The following EGFR variants were observed in gnomAD, a reference collection of about 807,000 sequenced individuals.
EGFR encodes the protein epidermal growth factor receptor.
A neutral mutation model predicts 143.0 loss-of-function variants in EGFR; 58 were observed. The observed-to-expected ratio is 0.41, with a 90% CI of 0.33 to 0.50. EGFR has a LOEUF of 0.50. EGFR is among the 20% of genes least tolerant of loss of function. EGFR has a pLI of 0.39. For missense variants in EGFR, 1,307 were observed against 1,579.0 expected (o/e 0.83, Z 2.92); for synonymous variants, 613 against 594.4 (o/e 1.03, Z -0.45).
At chr7:55,025,524 A>C (rs140866045) in intron 1 of EGFR, among the ~76,000 whole-genome samples, 62 of 152,288 alleles carry the variant, frequency 4.1e-4, no homozygotes, top group African/African-American at 1.5e-3. Context: ...GTCCAATATC[A>C]ATATTCAGCT....
chr7:55,205,284 G>T lies in EGFR; in HGVS notation c.3300G>T (p.Arg1100Ser), dbSNP rs2128975115. Residue 1100 changes from arginine (R) to serine (S), a missense_variant, in exon 28 of 28, where the codon AGG becomes AGT. Around this residue, in one of 7 missense-constraint regions of EGFR, gnomAD observed 313 missense variants for 312.3 expected, o/e 1.00. Coordinates refer to ENST00000275493, the MANE Select transcript of EGFR (RefSeq NM_005228.5). The stretch of plus-strand genomic sequence containing the variant: ...ACATAAACCAGTCCGTTCCCAAAAG[G>T]CCCGCTGGCTCTGTGCAGAATCCTG... The part of the protein sequence containing the change: ...PEYINQSVPK[R>S]PAGSVQNPVY... 1.2e-6 allele frequency: 2 copies of T among 1,612,924 alleles called. No individual in the cohort carries two copies. The highest frequency in any genetic ancestry group is 1.7e-6 in the Non-Finnish European group (2 of 1,179,512).
chr7:55,165,096 C>T (rs569575554), intron 14 of EGFR, among the ~76,000 whole-genome samples, 184 bp from the exon 15 acceptor site: 2 of 152,310 alleles, frequency 1.3e-5, no homozygotes, highest in East Asian at 3.9e-4. Context: ...AACTTCTAAG[C>T]AACTAACAGT....
chr7:55,025,704 T>C (rs956712022), intron 1 of EGFR, among the ~76,000 whole-genome samples: 4 of 152,212 alleles, frequency 2.6e-5, no homozygotes, highest in African/African-American at 9.6e-5. Context: ...CACAGTTTCC[T>C]GGCTCCACCT....
chr7:55,108,434 A>G (rs946531629), intron 1 of EGFR, among the ~76,000 whole-genome samples: 2 of 152,210 alleles, frequency 1.3e-5, no homozygotes, highest in Non-Finnish European at 2.9e-5. Context: ...TGCCATGAGC[A>G]TCCTTGTTCA....
chr7:55,186,136 C>T (rs1430183985), intron 20 of EGFR, among the ~76,000 whole-genome samples: 4 of 152,202 alleles, frequency 2.6e-5, no homozygotes, highest in African/African-American at 4.8e-5. Context: ...ACGAAAACCA[C>T]GCTGACAGAT....
Position 55,192,593 on chromosome 7 carries a change from G to A in EGFR, c.2626-173G>A, listed in dbSNP as rs17290580. Among the ~76,000 whole-genome samples, 2,851 of 152,324 alleles carry A rather than the reference G, an allele frequency of 0.019. 70 individuals carry two copies. Among genetic ancestry groups the A allele is most frequent in the African/African-American group, 0.064 (2,649 of 41,574 alleles). On this transcript the variant is annotated intron_variant, in intron 21 of 27. Transcript: ENST00000275493. ...ACCTACCAGAGCAGCCCTGAACTCC[G>A]TCAGACTGAAATCCCCTGTTGCCGG... is the stretch of plus-strand genomic sequence containing the variant.
At chr7:55,086,084 C>T (rs567887943) in intron 1 of EGFR, among the ~76,000 whole-genome samples, 1 of 152,246 alleles carries the variant, frequency 6.6e-6, no homozygotes, top group African/African-American at 2.4e-5. Flanking sequence ...TGTGCCAGGT[C>T]CCGTGCCGTG....
chr7:55,210,702 G>C lies in EGFR; in HGVS notation c.*5085G>C, dbSNP rs1328380970. The C allele has an allele frequency of 6.6e-6, 1 of 152,232 alleles. No homozygotes were observed. The highest frequency in any genetic ancestry group is 1.5e-5 in the Non-Finnish European group (1 of 68,048). 9.4% of individuals were successfully genotyped at this position (152,232 alleles called of 1,614,324 possible). A position where few individuals can be genotyped will look rare whatever the true frequency, so the allele number is the denominator to read the frequency against. On this transcript the variant is annotated 3_prime_UTR_variant, in exon 28 of 28. Transcript: ENST00000275493. ...AAGGTTCTCCAAGCACTAGAAGGGA[G>C]AGTGTCTAAACAATGGTTGAAAAGC...
chr7:55,040,883 C>T (rs927160072), intron 1 of EGFR, among the ~76,000 whole-genome samples: 2 of 152,178 alleles, frequency 1.3e-5, no homozygotes, highest in African/African-American at 2.4e-5. Context: ...ACTGCATCTA[C>T]ATCAGAAGAT....
At chr7:55,063,560 C>T (rs1002653306) in intron 1 of EGFR, among the ~76,000 whole-genome samples, 2 of 152,204 alleles carry the variant, frequency 1.3e-5, no homozygotes, top group East Asian at 1.9e-4. Context: ...ATGAGGTTCT[C>T]GCAAAGCATT....
chr7:55,084,427 T>G (rs1790641270), intron 1 of EGFR, among the ~76,000 whole-genome samples: 1 of 152,202 alleles, frequency 6.6e-6, no homozygotes. Context: ...TTTACCTGGT[T>G]AAGTCAGGCC....
At chr7:55,076,894 CAAAT>C (rs1008404327) in intron 1 of EGFR, among the ~76,000 whole-genome samples, 1 of 151,906 alleles carries the variant, frequency 6.6e-6, no homozygotes, top group Non-Finnish European at 1.5e-5. Context: ...AAATATATGA[CAAAT>C]AAAACAGTTA....
At chr7:55,084,973 C>T (rs1411517593) in intron 1 of EGFR, among the ~76,000 whole-genome samples, 1 of 152,008 alleles carries the variant, frequency 6.6e-6, no homozygotes, top group Non-Finnish European at 1.5e-5. Context: ...ACTCAGTGAG[C>T]GGAGAGTCAA....
At position 55,206,594 on chromosome 7, in the gene EGFR, T is replaced by TG. The variant is rs1255430937; in HGVS notation, c.*981dup. ...CTCAGATGAAATGCATCAGGTCCTT[T>TG]GGGGCATAGATCAGAAGACTACAAA... On this transcript the variant is annotated 3_prime_UTR_variant, in exon 28 of 28. Coordinates refer to ENST00000275493, the MANE Select transcript of EGFR (RefSeq NM_005228.5). 13 of 233,204 alleles carry TG rather than the reference T, an allele frequency of 5.6e-5. No homozygotes were observed. Among genetic ancestry groups the TG allele is most frequent in the African/African-American group, 2.2e-4 (10 of 45,350 alleles). 14.4% of individuals were successfully genotyped at this position (233,204 alleles called of 1,614,324 possible).
chr7:55,109,046 G>C (rs772942701), intron 1 of EGFR, among the ~76,000 whole-genome samples: 1 of 152,186 alleles, frequency 6.6e-6, no homozygotes, highest in Non-Finnish European at 1.5e-5. Flanking sequence ...ACGCTGGAGG[G>C]GGCTGCAAGG....
At chr7:55,024,046 A>G (rs1786741408) in intron 1 of EGFR, among the ~76,000 whole-genome samples, 6 of 152,212 alleles carry the variant, frequency 3.9e-5, no homozygotes, top group Non-Finnish European at 8.8e-5. Context: ...GTTTGCCTGT[A>G]ATTTTCACTT....
intron 1 of EGFR, among the ~76,000 whole-genome samples, chr7:55,104,398 C>T (rs1332381131): frequency 1.3e-5 from 2 of 152,162 alleles, no homozygotes; most frequent in Admixed American, 1.3e-4. Context: ...AGATGTGGAG[C>T]CCCATGGATT....
At chr7:55,176,793 T>A (rs1786608537) in intron 19 of EGFR, among the ~76,000 whole-genome samples, 1 of 148,000 alleles carries the variant, frequency 6.8e-6, no homozygotes, top group South Asian at 2.1e-4. Flanking sequence ...CTGTATATAG[T>A]TATTTAGATA....
At chr7:55,168,721 A>G in intron 15 of EGFR, 1 of 778,426 alleles carries the variant, frequency 1.3e-6, no homozygotes, top group Non-Finnish European at 1.9e-6. Flanking sequence ...ATAGTTTGAT[A>G]TAATCTTGTT....
Sources: gnomAD v4.1 joint callset for allele counts (sites outside exome capture counted in the v4.1 genomes callset) on GRCh38, gnomAD v4.1.1 for gene constraint, gnomAD v4.1.1 regional missense constraint, MANE v1.5 for transcripts, NCBI Gene and HGNC (gene_info 2026-07-23, HGNC 2026-07-21) for gene names.